Variants in DIP2B observed in about 807,000 individuals in gnomAD.
The protein encoded by DIP2B is disco-interacting protein 2 homolog B.
A neutral mutation model predicts 198.0 loss-of-function variants in DIP2B; 76 were observed. The observed-to-expected ratio is 0.38, with a 90% CI of 0.32 to 0.46. The LOEUF (loss-of-function observed/expected upper bound fraction) is 0.46. Ranked by LOEUF, DIP2B falls within the 20% of genes least tolerant of loss-of-function variation. The pLI is 0.99. For synonymous variants in DIP2B, 701 were observed against 739.1 expected, an observed-to-expected ratio of 0.95 and a Z score of 0.84; for missense variants, 1,559 against 1,978.4, an observed-to-expected ratio of 0.79 and a Z score of 4.02.
intron 1 of DIP2B, among the ~76,000 whole-genome samples, chr12:50,615,352 A>G (rs888581631): frequency 1.3e-5 from 2 of 152,064 alleles, no homozygotes; most frequent in Admixed American, 6.6e-5. Flanking sequence ...ATTTACATAC[A>G]TTTACATATA....
At chr12:50,734,604 G>A (rs1392697010) in intron 33 of DIP2B, among the ~76,000 whole-genome samples, 1 of 152,128 alleles carries the variant, frequency 6.6e-6, no homozygotes, top group Non-Finnish European at 1.5e-5. Flanking sequence ...GCCCAGAAGG[G>A]AATTTTAGCT....
chr12:50,680,644 C>T (rs1939025001), intron 8 of DIP2B, 28 bp from the exon 9 acceptor site: 2 of 1,595,064 alleles, frequency 1.3e-6, no homozygotes, highest in South Asian at 1.1e-5. Flanking sequence ...TTCTATATGA[C>T]TGTTGTTTTT....
intron 1 of DIP2B, among the ~76,000 whole-genome samples, chr12:50,600,675 T>A (rs1958926732): frequency 6.6e-6 from 1 of 152,202 alleles, no homozygotes; most frequent in Non-Finnish European, 1.5e-5. Flanking sequence ...TACTTATTTT[T>A]TTCCCCTTCC....
intron 4 of DIP2B, among the ~76,000 whole-genome samples, chr12:50,669,858 T>C (rs966980905): frequency 6.6e-6 from 1 of 152,178 alleles, no homozygotes; most frequent in Non-Finnish European, 1.5e-5. Context: ...ATTTGGCTCT[T>C]TGAACCAAAG....
At position 50,660,221 on chromosome 12, in the gene DIP2B, C is replaced by T. The variant is rs1279397710; in HGVS notation, c.329C>T (p.Ala110Val). ...ATCCACACAGAAGCAGTTCAGGCTGCACTGGCAAAGCATAAAGAACAGAAG... is the reference window on the plus strand; with the variant it reads ...ATCCACACAGAAGCAGTTCAGGCTGTACTGGCAAAGCATAAAGAACAGAAG... ...SDIHTEAVQA[A>V]LAKHKEQKMA... The change falls in exon 4 of 38, where the codon GCA becomes GTA. Residue 110 changes from alanine to valine, a missense_variant. Coordinates refer to ENST00000301180, the MANE Select transcript of DIP2B (RefSeq NM_173602.3). 4.3e-6 allele frequency: 7 copies of T among 1,612,376 alleles called. No individual in the cohort carries two copies. Among genetic ancestry groups the T allele is most frequent in the Non-Finnish European group, 5.9e-6 (7 of 1,179,306 alleles).
chr12:50,717,917 T>TTG, intron 23 of DIP2B, among the ~76,000 whole-genome samples: 1 of 148,150 alleles, frequency 6.7e-6, no homozygotes, highest in Non-Finnish European at 1.5e-5. Context: ...TTTTTTTTTT[T>TTG]TGAGATGTAG....
At position 50,640,693 on chromosome 12, in the gene DIP2B, G is replaced by A. The variant is rs763077514; in HGVS notation, c.173-31G>A. On this transcript the variant is annotated intron_variant, in intron 2 of 37. Transcript: ENST00000301180. The stretch of plus-strand genomic sequence containing the variant: ...GAAAATGTTAGCTATTACTGTTACT[G>A]GATAACCATCTTTTAAACTTCCTTT... 6.8e-6 allele frequency: 11 copies of A among 1,609,536 alleles called. No homozygotes were observed. The South Asian group carries it at 1.1e-4, about 16-fold the overall frequency.
intron 1 of DIP2B, among the ~76,000 whole-genome samples, chr12:50,552,824 T>C (rs925702991): frequency 6.6e-6 from 1 of 152,134 alleles, no homozygotes; most frequent in African/African-American, 2.4e-5. Flanking sequence ...AATAAACTTC[T>C]TATGTTTAGG....
chr12:50,733,196 G>T (rs1357158767), intron 32 of DIP2B, among the ~76,000 whole-genome samples: 1 of 150,832 alleles, frequency 6.6e-6, no homozygotes, highest in Non-Finnish European at 1.5e-5. Flanking sequence ...ATGAGCCACC[G>T]CGCCCGGTCT....
intron 1 of DIP2B, among the ~76,000 whole-genome samples, chr12:50,602,777 T>C (rs1301984178): frequency 6.7e-6 from 1 of 148,884 alleles, no homozygotes; most frequent in African/African-American, 2.5e-5. Context: ...GAGAATCACT[T>C]GAACCTGAGA....
In DIP2B at chr12:50,678,762, A is replaced by C; in HGVS notation, c.1000A>C (p.Asn334His). The C allele has an allele frequency of 6.2e-7, 1 of 1,614,196 alleles. No homozygotes were observed. The highest frequency in any genetic ancestry group is 8.5e-7 in the Non-Finnish European group (1 of 1,180,032). ...VKGEPLGVIC[N>H]WPPALESALQ... Reference sequence around the variant, plus strand: ...AGGAGAGCCTTTAGGAGTCATCTGTAACTGGCCTCCTGCTCTTGAATCTGC... The same window carrying C: ...AGGAGAGCCTTTAGGAGTCATCTGTCACTGGCCTCCTGCTCTTGAATCTGC... Residue 334 changes from asparagine (N) to histidine (H), a missense_variant, in exon 8 of 38, where the codon AAC (asparagine) becomes CAC (histidine). Transcript: ENST00000301180.
intron 12 of DIP2B, among the ~76,000 whole-genome samples, chr12:50,688,650 T>G (rs1939171477): frequency 6.6e-6 from 1 of 151,998 alleles, no homozygotes. Flanking sequence ...CAATTCTGTC[T>G]CAAAAAAGAA....
At chr12:50,628,695 CTT>C (rs897038049) in intron 2 of DIP2B, among the ~76,000 whole-genome samples, 44 of 152,284 alleles carry the variant, frequency 2.9e-4, no homozygotes, top group Middle Eastern at 6.8e-3. Context: ...TTTTCACCCT[CTT>C]TGTTTCCTGT....
rs372947579 is a variant in DIP2B, at chr12:50,599,720, G to A, written c.101-26256G>A. 5.6e-4 allele frequency among the ~76,000 whole-genome samples: 85 copies of A among 152,290 alleles called. No homozygotes were observed. The South Asian group carries it at 0.016, about 29-fold the overall frequency. ...ATTTCTTCATTTTAACCAGCTATTC[G>A]TATAATATAACATAGAAAGCTTGAC... On this transcript the variant is annotated intron_variant, in intron 1 of 37. Coordinates refer to ENST00000301180, the MANE Select transcript of DIP2B (RefSeq NM_173602.3).
At chr12:50,721,516 T>G in intron 26 of DIP2B, 120 bp downstream of exon 26, 1 of 1,459,160 alleles carries the variant, frequency 6.9e-7, no homozygotes, top group Non-Finnish European at 9.2e-7. Flanking sequence ...TTCCCAACAC[T>G]TAGAAGACCA....
At chr12:50,714,304 A>T in intron 22 of DIP2B, 91 bp from the exon 23 acceptor site, 1 of 1,474,044 alleles carries the variant, frequency 6.8e-7, no homozygotes, top group Non-Finnish European at 9.3e-7. Flanking sequence ...AGAGTAAGAA[A>T]AATTGTAGCG....
intron 29 of DIP2B, 85 bp downstream of exon 29, chr12:50,727,897 T>C: frequency 8.5e-7 from 1 of 1,180,706 alleles, no homozygotes; most frequent in African/African-American, 1.5e-5. Flanking sequence ...AGAGGCCAAG[T>C]GGTTGTACCA....
chr12:50,673,273 A>G (rs1938886444), intron 5 of DIP2B, among the ~76,000 whole-genome samples: 1 of 152,192 alleles, frequency 6.6e-6, no homozygotes, highest in South Asian at 2.1e-4. Flanking sequence ...TATTTTAGAA[A>G]TTGTTTGTAT....
At chr12:50,624,043 CTT>C (rs1937883438) in intron 1 of DIP2B, among the ~76,000 whole-genome samples, 1 of 152,200 alleles carries the variant, frequency 6.6e-6, no homozygotes, top group South Asian at 2.1e-4. Flanking sequence ...ACAGGATACT[CTT>C]AATGATTTTT....
Sources: gnomAD v4.1 joint callset for allele counts (sites outside exome capture counted in the v4.1 genomes callset) on GRCh38, gnomAD v4.1.1 for gene constraint, MANE v1.5 for transcripts, NCBI Gene and HGNC (gene_info 2026-07-23, HGNC 2026-07-21) for gene names.